The following NKAIN2 variants were observed in gnomAD, a reference collection of about 807,000 sequenced individuals.
NKAIN2 encodes sodium/potassium transporting ATPase interacting 2.
Under a neutral mutation model 32.6 loss-of-function variants are expected in NKAIN2, and 14 were observed. The observed-to-expected ratio is 0.43, with a 90% CI of 0.28 to 0.67. The LOEUF (loss-of-function observed/expected upper bound fraction) is 0.67, where lower values mean the gene tolerates loss of function less well. NKAIN2 is among the 30% of genes least tolerant of loss of function. NKAIN2 has a pLI of 0.17. For synonymous variants in NKAIN2, 80 were observed against 87.2 expected, an observed-to-expected ratio of 0.92 and a Z score of 0.46; for missense variants, 198 against 258.3, an observed-to-expected ratio of 0.77 and a Z score of 1.60.
At chr6:124,726,064 C>T (rs1289287074) in intron 4 of NKAIN2, among the ~76,000 whole-genome samples, 3 of 152,282 alleles carry the variant, frequency 2.0e-5, no homozygotes, top group Admixed American at 6.5e-5. Context: ...CCTACGCCCA[C>T]GGAGTCTCGC....
At chr6:124,767,792 C>T (rs1165908745) in intron 4 of NKAIN2, among the ~76,000 whole-genome samples, 2 of 152,188 alleles carry the variant, frequency 1.3e-5, no homozygotes, top group East Asian at 1.9e-4. Context: ...CCACACTGCA[C>T]TTGCCCATTT....
intron 1 of NKAIN2, among the ~76,000 whole-genome samples, chr6:124,191,563 T>G (rs1294215675): frequency 6.6e-6 from 1 of 152,196 alleles, no homozygotes; most frequent in Non-Finnish European, 1.5e-5. Flanking sequence ...GAGCTGTATG[T>G]CTTCCTTTCC....
chr6:124,735,976 A>G (rs1413916773), intron 4 of NKAIN2, among the ~76,000 whole-genome samples: 1 of 151,876 alleles, frequency 6.6e-6, no homozygotes, highest in East Asian at 1.9e-4. Context: ...TTTAAATCAA[A>G]AGCTAGAAAT....
At chr6:124,281,223 A>T (rs912049530) in intron 1 of NKAIN2, among the ~76,000 whole-genome samples, 5 of 152,160 alleles carry the variant, frequency 3.3e-5, no homozygotes, top group African/African-American at 1.2e-4. Context: ...TTACATTCCT[A>T]TTCACTATTT....
intron 1 of NKAIN2, among the ~76,000 whole-genome samples, chr6:123,988,986 G>A (rs138890234): frequency 1.3e-4 from 19 of 151,012 alleles, no homozygotes; most frequent in East Asian, 5.9e-4. Context: ...GTTTAATTTC[G>A]ATCTATTCTG....
chr6:123,909,912 T>C (rs1168220588), intron 1 of NKAIN2, among the ~76,000 whole-genome samples: 1 of 152,060 alleles, frequency 6.6e-6, no homozygotes, highest in Non-Finnish European at 1.5e-5. Flanking sequence ...AAAAAATGAG[T>C]AACTCTACTA....
At chr6:124,049,702 A>G (rs1782317408) in intron 1 of NKAIN2, among the ~76,000 whole-genome samples, 1 of 152,052 alleles carries the variant, frequency 6.6e-6, no homozygotes, top group Admixed American at 6.6e-5. Flanking sequence ...CCCACCTGGA[A>G]CATGAATCCT....
chr6:124,427,735 T>C (rs1349520742), intron 3 of NKAIN2, among the ~76,000 whole-genome samples: 3 of 152,252 alleles, frequency 2.0e-5, no homozygotes, highest in Admixed American at 2.0e-4. Context: ...CTACGCTTAA[T>C]ATATAGGAAG....
At chr6:124,373,484 A>G (rs1181187748) in intron 3 of NKAIN2, among the ~76,000 whole-genome samples, 1 of 152,152 alleles carries the variant, frequency 6.6e-6, no homozygotes, top group African/African-American at 2.4e-5. Flanking sequence ...AACAGTAGAC[A>G]GGAGTTTCAG....
chr6:123,863,770 T>C (rs1429307756), intron 1 of NKAIN2, among the ~76,000 whole-genome samples: 1 of 152,132 alleles, frequency 6.6e-6, no homozygotes, highest in Admixed American at 6.5e-5. Context: ...AAAATTCTTC[T>C]CTCATCTTAT....
intron 3 of NKAIN2, among the ~76,000 whole-genome samples, chr6:124,632,578 G>T (rs1783612567): frequency 6.6e-6 from 1 of 152,034 alleles, no homozygotes; most frequent in Admixed American, 6.6e-5. Flanking sequence ...CTGATAATGA[G>T]TACTTTTCTT....
chr6:124,709,509 A>G (rs1354023867), intron 4 of NKAIN2, among the ~76,000 whole-genome samples: 1 of 151,548 alleles, frequency 6.6e-6, no homozygotes, highest in Non-Finnish European at 1.5e-5. Context: ...TATTGCCACA[A>G]TTTCAGCTCC....
chr6:124,306,532 A>G (rs1796510344), intron 2 of NKAIN2, among the ~76,000 whole-genome samples: 1 of 152,172 alleles, frequency 6.6e-6, no homozygotes, highest in Admixed American at 6.5e-5. Flanking sequence ...AAGAAAAACA[A>G]AATCTGTCAT....
At chr6:124,791,462 C>A in intron 5 of NKAIN2, 63 bp downstream of exon 5, 3 of 1,086,516 alleles carry the variant, frequency 2.8e-6, no homozygotes, top group South Asian at 1.4e-5. Flanking sequence ...CTGCCTCCTA[C>A]TTAGCCTTCC....
intron 3 of NKAIN2, among the ~76,000 whole-genome samples, chr6:124,365,898 G>A (rs1330413764): frequency 6.6e-6 from 1 of 151,926 alleles, no homozygotes; most frequent in Non-Finnish European, 1.5e-5. Context: ...GACCTAATAG[G>A]TTGGAATGGA....
Position 124,075,196 on chromosome 6 carries a change from C to T in NKAIN2, c.55-207809C>T, listed in dbSNP as rs1476571622. On this transcript the variant is annotated intron_variant, in intron 1 of 6. Transcript: ENST00000368417. ...AAACCTATTGGAAAACTTCTCCTAC[C>T]AGAACATAATTAGTTAAAACATGAG... Among the ~76,000 whole-genome samples the T allele has an allele frequency of 2.0e-5, 3 of 152,030 alleles. No homozygotes were observed. In the East Asian group the frequency reaches 5.8e-4, roughly 29 times the overall value.
chr6:124,697,738 G>A (rs1468931984), intron 4 of NKAIN2, among the ~76,000 whole-genome samples: 1 of 152,042 alleles, frequency 6.6e-6, no homozygotes, highest in East Asian at 1.9e-4. Context: ...CAAACATTAG[G>A]TAATATTTCT....
intron 1 of NKAIN2, among the ~76,000 whole-genome samples, chr6:123,918,640 T>C (rs1332689412): frequency 6.6e-6 from 1 of 152,150 alleles, no homozygotes; most frequent in Admixed American, 6.6e-5. Flanking sequence ...AATATTTAAA[T>C]CACTGGACTG....
rs58658301 is a variant in NKAIN2 at position 124,168,552 on chromosome 6, T to TTGTG, written c.55-114436_55-114433dup. Among the ~76,000 whole-genome samples, 894 of 149,748 alleles carry TTGTG rather than the reference T, an allele frequency of 6.0e-3. 5 individuals are homozygous for TTGTG. Among genetic ancestry groups the TTGTG allele is most frequent in the African/African-American group, 0.018 (738 of 41,022 alleles). On this transcript the variant is annotated intron_variant, in intron 1 of 6. Transcript: ENST00000368417. ...TAACAAAAGTTAAAGCCTGTTAATT[T>TTGTG]TGTGTGTGTGTGTGTGTGTGGTCTA...
Sources: gnomAD v4.1 joint callset for allele counts (sites outside exome capture counted in the v4.1 genomes callset) on GRCh38, gnomAD v4.1.1 for gene constraint, MANE v1.5 for transcripts, NCBI Gene and HGNC (gene_info 2026-07-23, HGNC 2026-07-21) for gene names.